Variants in FER observed in about 807,000 individuals in gnomAD.
The protein encoded by FER is FER tyrosine kinase.
FER carries 63 observed loss-of-function variants against 111.0 expected under a neutral mutation model. The observed-to-expected ratio is 0.57, with a 90% CI of 0.46 to 0.70. The LOEUF is 0.70. FER is among the 30% of genes least tolerant of loss of function. The pLI is 0.00. For synonymous variants in FER, 327 were observed against 313.9 expected (o/e 1.04, Z -0.44); for missense variants, 914 against 954.0 (o/e 0.96, Z 0.55).
At chr5:109,098,764 A>T (rs560921098) in intron 16 of FER, among the ~76,000 whole-genome samples, 2 of 151,762 alleles carry the variant, frequency 1.3e-5, no homozygotes, top group Non-Finnish European at 3.0e-5. Flanking sequence ...AATTTAATAT[A>T]TTTGGTATTC....
At chr5:108,835,949 TCAAA>T in intron 5 of FER, 142 bp downstream of exon 5, 1 of 472,006 alleles carries the variant, frequency 2.1e-6, no homozygotes, top group Non-Finnish European at 3.8e-6. Context: ...TGGCTAATTG[TCAAA>T]CAGTGTAGTA....
At chr5:109,041,298 G>A (rs1275784347) in intron 14 of FER, among the ~76,000 whole-genome samples, 1 of 152,094 alleles carries the variant, frequency 6.6e-6, no homozygotes, top group Non-Finnish European at 1.5e-5. Context: ...CAAATAAACT[G>A]AGAGTGTATG....
chr5:108,889,609 G>C (rs970428015), intron 9 of FER, among the ~76,000 whole-genome samples: 21 of 151,866 alleles, frequency 1.4e-4, no homozygotes, highest in African/African-American at 4.3e-4. Flanking sequence ...TAGCACAACA[G>C]GGTAACTGTA....
At chr5:108,789,551 A>G (rs1017517708) in intron 2 of FER, among the ~76,000 whole-genome samples, 3 of 152,170 alleles carry the variant, frequency 2.0e-5, no homozygotes, top group Non-Finnish European at 2.9e-5. Context: ...TGCAATAACA[A>G]CAACAAAAAC....
intron 5 of FER, among the ~76,000 whole-genome samples, chr5:108,838,011 C>T (rs1760848333): frequency 6.6e-6 from 1 of 151,942 alleles, no homozygotes; most frequent in Non-Finnish European, 1.5e-5. Context: ...AAAATAAGTA[C>T]TTTTATATAT....
At chr5:109,113,232 GT>G (rs1306282119) in intron 17 of FER, among the ~76,000 whole-genome samples, 1 of 152,068 alleles carries the variant, frequency 6.6e-6, no homozygotes, top group Non-Finnish European at 1.5e-5. Flanking sequence ...TGAAAACTGG[GT>G]TTTTCCTGCC....
At position 109,039,896 on chromosome 5, in the gene FER, A is replaced by C. The variant is rs114534542; in HGVS notation, c.1713+2418A>C. 4.4e-3 allele frequency among the ~76,000 whole-genome samples: 663 copies of C among 152,162 alleles called. 4 individuals carry two copies. Among genetic ancestry groups the C allele is most frequent in the African/African-American group, 0.015 (630 of 41,534 alleles). On this transcript the variant is annotated intron_variant, in intron 14 of 19. Transcript: ENST00000281092. ...TAAAAAGTTACTCCGGGAGTTGTGA[A>C]AATAGGCTGACAACTTGGAAGGTTA...
chr5:108,799,359 T>G (rs1019955331), intron 3 of FER, among the ~76,000 whole-genome samples: 18 of 152,234 alleles, frequency 1.2e-4, no homozygotes, highest in African/African-American at 4.3e-4. Flanking sequence ...AAAATTAATC[T>G]TCTTTCACTT....
At chr5:108,846,643 CGCGATCACGGCCCACT>C (rs1200082405) in intron 5 of FER, among the ~76,000 whole-genome samples, 65 of 151,990 alleles carry the variant, frequency 4.3e-4, no homozygotes, top group African/African-American at 1.5e-3. Context: ...AGTGCAGTGG[CGCGATCACGGCCCACT>C]GCGAGCTCTG....
intron 1 of FER, among the ~76,000 whole-genome samples, chr5:108,758,811 C>CTGTG (rs903170119): frequency 8.5e-5 from 13 of 152,182 alleles, no homozygotes; most frequent in Admixed American, 2.6e-4. Context: ...GGAGAAGATA[C>CTGTG]TGTGACCCTG....
Position 108,931,965 on chromosome 5 carries a change from T to C in FER, c.1237-14165T>C, listed in dbSNP as rs1327024068. ...CATCCTTCCAATATCTTAAATTTTGTGTGTGTGTGTGTGTGTGTTTCATTT... is the reference window on the plus strand; with the variant it reads ...CATCCTTCCAATATCTTAAATTTTGCGTGTGTGTGTGTGTGTGTTTCATTT... On this transcript the variant is annotated intron_variant, in intron 10 of 19. Coordinates refer to ENST00000281092, the MANE Select transcript of FER (RefSeq NM_005246.4). 2.6e-5 allele frequency among the ~76,000 whole-genome samples: 4 copies of C among 151,082 alleles called. No homozygotes were observed. In the East Asian group the frequency reaches 7.7e-4, roughly 29 times the overall value.
intron 17 of FER, among the ~76,000 whole-genome samples, chr5:109,108,278 C>G (rs1330501576): frequency 6.6e-6 from 1 of 152,124 alleles, no homozygotes; most frequent in East Asian, 1.9e-4. Context: ...GAGGAAGATT[C>G]AGGCCTATTC....
rs549963168 is a variant in FER at position 108,841,251 on chromosome 5, T to G, written c.481+5444T>G. Among the ~76,000 whole-genome samples the G allele has an allele frequency of 2.6e-5, 4 of 152,302 alleles. No individual in the cohort carries two copies. In the South Asian group the frequency reaches 8.3e-4, roughly 32 times the overall value. ...GTGAACGCATTTCAGTTAGAAGTGTTTCTTGACATCAGCATAAAATAACAG... is the reference window on the plus strand; with the variant it reads ...GTGAACGCATTTCAGTTAGAAGTGTGTCTTGACATCAGCATAAAATAACAG... On this transcript the variant is annotated intron_variant, in intron 5 of 19. Transcript: ENST00000281092.
At chr5:108,885,789 A>G (rs943695332) in intron 9 of FER, among the ~76,000 whole-genome samples, 1 of 151,838 alleles carries the variant, frequency 6.6e-6, no homozygotes, top group Non-Finnish European at 1.5e-5. Context: ...GCAACATTAA[A>G]TGGGAATCGA....
At chr5:108,849,965 G>C (rs1395029543) in intron 5 of FER, among the ~76,000 whole-genome samples, 1 of 152,154 alleles carries the variant, frequency 6.6e-6, no homozygotes, top group Non-Finnish European at 1.5e-5. Flanking sequence ...GCCAAGGCGG[G>C]TGGATCATGA....
intron 5 of FER, chr5:108,841,949 A>C (rs188067720): frequency 2.9e-5 from 5 of 171,872 alleles, no homozygotes; most frequent in African/African-American, 1.2e-4. Flanking sequence ...TTGAAAATCA[A>C]CTATTAAAAT....
intron 10 of FER, among the ~76,000 whole-genome samples, chr5:108,921,791 C>T (rs1342658329): frequency 6.6e-6 from 1 of 152,082 alleles, no homozygotes; most frequent in Non-Finnish European, 1.5e-5. Flanking sequence ...AATCAGAAAT[C>T]AAACAGTAGG....
At chr5:108,835,834 A>C (rs764492736) in intron 5 of FER, 27 bp downstream of exon 5, 9 of 1,311,792 alleles carry the variant, frequency 6.9e-6, no homozygotes, top group African/African-American at 1.5e-5. Flanking sequence ...AAAATTGTTT[A>C]CTTAGGTGAT....
At chr5:108,899,698 G>A (rs1749726116) in intron 10 of FER, among the ~76,000 whole-genome samples, 1 of 151,936 alleles carries the variant, frequency 6.6e-6, no homozygotes, top group African/African-American at 2.4e-5. Flanking sequence ...CAGCTACTCA[G>A]GAGGCTGAGG....
Sources: gnomAD v4.1 joint callset for allele counts (sites outside exome capture counted in the v4.1 genomes callset) on GRCh38, gnomAD v4.1.1 for gene constraint, MANE v1.5 for transcripts, NCBI Gene and HGNC (gene_info 2026-07-23, HGNC 2026-07-21) for gene names.